The following SNTG1 variants were observed in gnomAD, a reference collection of about 807,000 sequenced individuals.
The protein encoded by SNTG1 is gamma-1-syntrophin.
SNTG1 carries 39 observed loss-of-function variants against 74.7 expected under a neutral mutation model. The ratio of observed to expected loss-of-function variants is 0.52; its 90% CI spans 0.40 to 0.68. The LOEUF (loss-of-function observed/expected upper bound fraction) is 0.68, where lower values mean the gene tolerates loss of function less well. Among genes scored for constraint, SNTG1 ranks in the 30% least tolerant of loss-of-function variants. The pLI is 0.00. For missense variants in SNTG1, 685 were observed against 609.5 expected (o/e 1.12, Z -1.30); for synonymous variants, 254 against 217.1 (o/e 1.17, Z -1.49).
At chr8:50,441,765 A>G (rs549133002) in intron 5 of SNTG1, among the ~76,000 whole-genome samples, 4 of 152,270 alleles carry the variant, frequency 2.6e-5, no homozygotes, top group African/African-American at 9.6e-5. Flanking sequence ...TCTTCAAATC[A>G]TCTCCAAAAA....
intron 11 of SNTG1, among the ~76,000 whole-genome samples, chr8:50,548,343 G>A (rs1021966611): frequency 3.9e-5 from 6 of 152,202 alleles, no homozygotes; most frequent in South Asian, 2.1e-4. Context: ...GTAATTGGAA[G>A]GGCTAAGAAA....
At chr8:50,530,897 A>G (rs547514157) in intron 10 of SNTG1, among the ~76,000 whole-genome samples, 37 of 152,184 alleles carry the variant, frequency 2.4e-4, no homozygotes, top group Non-Finnish European at 1.6e-4. Context: ...AAACACTCAC[A>G]CATTCTTAAA....
chr8:50,671,477 A>G (rs190553439), intron 15 of SNTG1, among the ~76,000 whole-genome samples: 57 of 152,304 alleles, frequency 3.7e-4, no homozygotes, highest in Non-Finnish European at 7.1e-4. Flanking sequence ...AGAAATGCAA[A>G]TCAAAACCAC....
intron 5 of SNTG1, among the ~76,000 whole-genome samples, chr8:50,445,513 G>GT (rs2093398667): frequency 6.6e-6 from 1 of 152,068 alleles, no homozygotes; most frequent in African/African-American, 2.4e-5. Context: ...TAGTAAAACC[G>GT]TTGTGTAGAG....
intron 1 of SNTG1, among the ~76,000 whole-genome samples, chr8:50,130,323 C>A (rs1174280204): frequency 6.6e-6 from 1 of 151,912 alleles, no homozygotes; most frequent in African/African-American, 2.4e-5. Flanking sequence ...GAGTGAGAGA[C>A]AACTATTTTA....
intron 1 of SNTG1, among the ~76,000 whole-genome samples, chr8:49,986,345 T>C (rs1244065282): frequency 6.6e-6 from 1 of 152,194 alleles, no homozygotes; most frequent in East Asian, 1.9e-4. Flanking sequence ...GCACTCATTA[T>C]GACCCCCTCT....
At chr8:50,143,986 C>T (rs1025855218) in intron 1 of SNTG1, among the ~76,000 whole-genome samples, 2 of 152,230 alleles carry the variant, frequency 1.3e-5, no homozygotes, top group African/African-American at 2.4e-5. Context: ...CCATCAACCT[C>T]GGTATGGATT....
At chr8:50,097,378 T>A (rs1481018167) in intron 1 of SNTG1, among the ~76,000 whole-genome samples, 1 of 152,190 alleles carries the variant, frequency 6.6e-6, no homozygotes, top group African/African-American at 2.4e-5. Flanking sequence ...TTAAAAAAAA[T>A]TAAAATGAAA....
intron 1 of SNTG1, among the ~76,000 whole-genome samples, chr8:49,938,593 T>TTTTC (rs1563370858): frequency 6.6e-4 from 14 of 21,218 alleles, no homozygotes; most frequent in African/African-American, 1.4e-3. Flanking sequence ...TTTTCTTTTC[T>TTTTC]TTTCTTTTCT....
chr8:49,952,370 G>A (rs867974663), intron 1 of SNTG1, among the ~76,000 whole-genome samples: 3 of 152,162 alleles, frequency 2.0e-5, no homozygotes, highest in Non-Finnish European at 4.4e-5. Context: ...GGTGAGAACC[G>A]AAGAGAGGCA....
intron 1 of SNTG1, among the ~76,000 whole-genome samples, chr8:49,916,964 G>A: frequency 6.6e-6 from 1 of 151,986 alleles, no homozygotes; most frequent in East Asian, 1.9e-4. Flanking sequence ...GTTTGAGGCT[G>A]CAGTGAGATA....
At chr8:50,270,609 T>C (rs1303108096) in intron 2 of SNTG1, among the ~76,000 whole-genome samples, 2 of 152,194 alleles carry the variant, frequency 1.3e-5, no homozygotes, top group Non-Finnish European at 2.9e-5. Flanking sequence ...GAACTTTTCC[T>C]CCCTGTGAAG....
rs745909018 is a variant in SNTG1 at position 49,975,756 on chromosome 8, C to CAT, written c.-103+63538_-103+63539dup. Among the ~76,000 whole-genome samples, 1,166 of 149,102 alleles carry CAT rather than the reference C, an allele frequency of 7.8e-3. 21 individuals are homozygous for CAT. Among genetic ancestry groups the CAT allele is most frequent in the African/African-American group, 0.027 (1,095 of 40,854 alleles). Reference sequence around the variant, plus strand: ...CTGTGTGCCTGCAAGACTCACAAAACATATATATATATATGTGTGTGTGTG... The same window carrying CAT: ...CTGTGTGCCTGCAAGACTCACAAAACATATATATATATATATGTGTGTGTGTG... On this transcript the variant is annotated intron_variant, in intron 1 of 18. Coordinates refer to ENST00000642720, the MANE Select transcript of SNTG1 (RefSeq NM_018967.5).
At chr8:50,454,075 A>C (rs2093480361) in intron 8 of SNTG1, among the ~76,000 whole-genome samples, 1 of 152,216 alleles carries the variant, frequency 6.6e-6, no homozygotes, top group Non-Finnish European at 1.5e-5. Context: ...TATTGCCACT[A>C]CTGATGTTAA....
At chr8:50,713,891 C>G (rs1003594275) in intron 17 of SNTG1, among the ~76,000 whole-genome samples, 7 of 151,894 alleles carry the variant, frequency 4.6e-5, no homozygotes, top group Non-Finnish European at 1.0e-4. Context: ...AACCTTGCCT[C>G]TACTAAAAAT....
chr8:50,232,746 A>G (rs570861409), intron 2 of SNTG1, among the ~76,000 whole-genome samples: 2 of 151,654 alleles, frequency 1.3e-5, no homozygotes, highest in South Asian at 2.1e-4. Flanking sequence ...CCACAAAAAT[A>G]CAGATCAACA....
At chr8:50,386,913 G>A (rs1002384341) in intron 2 of SNTG1, among the ~76,000 whole-genome samples, 2 of 152,098 alleles carry the variant, frequency 1.3e-5, no homozygotes, top group African/African-American at 4.8e-5. Flanking sequence ...CTTCATGCAA[G>A]GGGCTCTGGT....
intron 2 of SNTG1, among the ~76,000 whole-genome samples, chr8:50,312,950 G>C (rs919287508): frequency 6.7e-6 from 1 of 149,750 alleles, no homozygotes; most frequent in African/African-American, 2.5e-5. Flanking sequence ...TTTGTGGATT[G>C]GGAGAATTAA....
intron 2 of SNTG1, among the ~76,000 whole-genome samples, chr8:50,281,701 A>G (rs767636478): frequency 6.6e-6 from 1 of 152,184 alleles, no homozygotes; most frequent in Non-Finnish European, 1.5e-5. Flanking sequence ...TAGGTATACT[A>G]TAATTTTTCT....
Sources: gnomAD v4.1 joint callset for allele counts (sites outside exome capture counted in the v4.1 genomes callset) on GRCh38, gnomAD v4.1.1 for gene constraint, MANE v1.5 for transcripts, NCBI Gene and HGNC (gene_info 2026-07-23, HGNC 2026-07-21) for gene names.